The following HS6ST1 variants were observed in gnomAD, a reference collection of about 807,000 sequenced individuals.
HS6ST1 encodes heparan sulfate 6-O-sulfotransferase 1, also known as heparan-sulfate 6-O-sulfotransferase 1.
A neutral mutation model predicts 25.2 loss-of-function variants in HS6ST1; 3 were observed. The observed-to-expected ratio is 0.12, with a 90% confidence interval of 0.05 to 0.31. HS6ST1 has a LOEUF of 0.31. Ranked by LOEUF, HS6ST1 falls within the 10% of genes least tolerant of loss-of-function variation. The pLI is 1.00. For synonymous variants in HS6ST1, 204 were observed against 275.1 expected, an observed-to-expected ratio of 0.74 and a Z score of 2.56; for missense variants, 310 against 609.6, an observed-to-expected ratio of 0.51 and a Z score of 5.18.
At chr2:128,315,019 C>T (rs1270667034) in intron 1 of HS6ST1, among the ~76,000 whole-genome samples, 2 of 152,182 alleles carry the variant, frequency 1.3e-5, no homozygotes, top group African/African-American at 2.4e-5. Context: ...ACATTCTAAC[C>T]GAGTGGTCCC....
Position 128,268,439 on chromosome 2 carries a change from T to A in HS6ST1, c.959A>T (p.Asn320Ile). ...CTCCACGCCGCCCGCCCGCGTGCTA[T>A]TGTACTGCATGAAGGGCCGGATGAA... ...LKFIRPFMQY[N>I]STRAGGVEVD... Residue 320 changes from asparagine to isoleucine, a missense_variant, in exon 2 of 2, where the codon AAT becomes ATT. Asn to Ile is a moderately radical substitution (Grantham distance 149). This residue lies in a region of HS6ST1 where 140 missense variants were observed against 176.5 expected (regional missense o/e 0.79). Coordinates refer to ENST00000259241, the MANE Select transcript of HS6ST1 (RefSeq NM_004807.3). 2 of 1,613,614 alleles carry A rather than the reference T, an allele frequency of 1.2e-6. No individual in the cohort carries two copies. Among genetic ancestry groups the A allele is most frequent in the South Asian group, 2.2e-5 (2 of 91,080 alleles).
chr2:128,298,759 C>G (rs1694078014), intron 1 of HS6ST1, among the ~76,000 whole-genome samples: 1 of 152,138 alleles, frequency 6.6e-6, no homozygotes, highest in South Asian at 2.1e-4. Context: ...TGTGAATGTA[C>G]TTCATGCCAC....
intron 1 of HS6ST1, among the ~76,000 whole-genome samples, chr2:128,291,708 A>T (rs949469139): frequency 1.3e-5 from 2 of 152,306 alleles, no homozygotes; most frequent in South Asian, 4.1e-4. Context: ...TTGTTGCCTC[A>T]TACCAGTCCT....
intron 1 of HS6ST1, among the ~76,000 whole-genome samples, chr2:128,269,569 T>G (rs532438415): frequency 3.9e-5 from 6 of 152,348 alleles, no homozygotes; most frequent in African/African-American, 1.4e-4. Context: ...GCTATGACGC[T>G]GGGCTGGAGG....
intron 1 of HS6ST1, among the ~76,000 whole-genome samples, chr2:128,306,196 T>C (rs1694205020): frequency 6.6e-6 from 1 of 152,184 alleles, no homozygotes; most frequent in Non-Finnish European, 1.5e-5. Context: ...TGCCCTCCTT[T>C]GTGCCTCCGC....
At chr2:128,306,425 T>C (rs776538688) in intron 1 of HS6ST1, among the ~76,000 whole-genome samples, 5 of 152,172 alleles carry the variant, frequency 3.3e-5, no homozygotes. Flanking sequence ...CTGGCCACGA[T>C]GACGCAAACA....
At chr2:128,294,406 C>T (rs1694005264) in intron 1 of HS6ST1, among the ~76,000 whole-genome samples, 5 of 152,212 alleles carry the variant, frequency 3.3e-5, no homozygotes, top group Admixed American at 2.6e-4. Flanking sequence ...TTCCTTTGTT[C>T]TCAGCCTGTC....
intron 1 of HS6ST1, among the ~76,000 whole-genome samples, chr2:128,312,290 G>A (rs1694303657): frequency 6.6e-6 from 1 of 152,248 alleles, no homozygotes; most frequent in Non-Finnish European, 1.5e-5. Context: ...TCCAGGCTGA[G>A]GGACTGACAC....
At chr2:128,276,752 C>A (rs1264525662) in intron 1 of HS6ST1, among the ~76,000 whole-genome samples, 2 of 152,100 alleles carry the variant, frequency 1.3e-5, no homozygotes, top group African/African-American at 2.4e-5. Context: ...AAAGCCAGAG[C>A]CTCCGTCCCC....
chr2:128,268,644 G>A lies in HS6ST1; in HGVS notation c.754C>T (p.Arg252Cys), dbSNP rs773632691. ...ACCAGGCTCAGGTCGGCCAGCATGC[G>A]CACCTGGCGGTTGTTGGCCAGGTTG... is the stretch of plus-strand genomic sequence containing the variant. ...PYNLANNRQV[R>C]MLADLSLVGC... The change falls in exon 2 of 2, where the codon CGC becomes TGC. Residue 252 changes from arginine (R) to cysteine (C), a missense_variant. Arg to Cys is a radical substitution (Grantham distance 180, BLOSUM62 -3). This residue lies in a region of HS6ST1 where 98 missense variants were observed against 270.3 expected (regional missense o/e 0.36). Transcript: ENST00000259241. 18 of 1,608,910 alleles carry A rather than the reference G, an allele frequency of 1.1e-5. No homozygotes were observed. Among genetic ancestry groups the A allele is most frequent in the African/African-American group, 2.7e-5 (2 of 74,798 alleles).
chr2:128,314,774 G>A (rs901220431), intron 1 of HS6ST1, among the ~76,000 whole-genome samples: 9 of 152,224 alleles, frequency 5.9e-5, no homozygotes, highest in African/African-American at 2.2e-4. Context: ...ATGTGAGCTG[G>A]TCCCGGGTTC....
intron 1 of HS6ST1, among the ~76,000 whole-genome samples, chr2:128,285,902 T>A (rs919855371): frequency 6.6e-6 from 1 of 152,178 alleles, no homozygotes; most frequent in Admixed American, 6.5e-5. Context: ...GCAAGGGGGC[T>A]GAGGAATTGG....
At chr2:128,272,226 C>T (rs1258783151) in intron 1 of HS6ST1, among the ~76,000 whole-genome samples, 1 of 152,254 alleles carries the variant, frequency 6.6e-6, no homozygotes, top group Non-Finnish European at 1.5e-5. Flanking sequence ...CTCCCCTCCC[C>T]AGCACCGTCA....
At chr2:128,299,775 C>T (rs60411160) in intron 1 of HS6ST1, among the ~76,000 whole-genome samples, 1,750 of 152,306 alleles carry the variant, frequency 0.011, 48 homozygotes, top group African/African-American at 0.039. Flanking sequence ...GGCTGAGAGG[C>T]TCATAACCCC....
intron 1 of HS6ST1, among the ~76,000 whole-genome samples, chr2:128,313,853 G>A (rs1256162528): frequency 6.6e-6 from 1 of 151,580 alleles, no homozygotes; most frequent in Non-Finnish European, 1.5e-5. Context: ...AGAGCAGCAT[G>A]GCAGAAATGA....
At chr2:128,306,125 A>G (rs1694203990) in intron 1 of HS6ST1, among the ~76,000 whole-genome samples, 1 of 152,152 alleles carries the variant, frequency 6.6e-6, no homozygotes, top group Admixed American at 6.5e-5. Flanking sequence ...CCTGACAGTG[A>G]GGCCTGAATG....
chr2:128,304,867 G>GCTGCA (rs1321966734), intron 1 of HS6ST1, among the ~76,000 whole-genome samples: 1 of 152,224 alleles, frequency 6.6e-6, no homozygotes, highest in Non-Finnish European at 1.5e-5. Flanking sequence ...GCTGGGCTGG[G>GCTGCA]CTGCACTGGG....
intron 1 of HS6ST1, among the ~76,000 whole-genome samples, chr2:128,313,189 A>G (rs1191774373): frequency 6.6e-6 from 1 of 152,220 alleles, no homozygotes; most frequent in Non-Finnish European, 1.5e-5. Flanking sequence ...TTGTACCAAG[A>G]GCAGTAAAGA....
At chr2:128,273,795 G>C (rs1693649729) in intron 1 of HS6ST1, among the ~76,000 whole-genome samples, 1 of 152,248 alleles carries the variant, frequency 6.6e-6, no homozygotes, top group Non-Finnish European at 1.5e-5. Context: ...AGGCGGGGTG[G>C]AGGTGTCAAA....
Sources: allele counts gnomAD v4.1 joint callset (sites outside exome capture counted in the v4.1 genomes callset), GRCh38; gene constraint gnomAD v4.1.1; regional missense constraint gnomAD v4.1.1; transcripts MANE v1.5; gene names NCBI Gene and HGNC (gene_info 2026-07-23, HGNC 2026-07-21).